Variants in ITGAL observed in about 807,000 individuals in gnomAD.
ITGAL encodes integrin alpha-L.
ITGAL carries 68 observed loss-of-function variants against 138.4 expected under a neutral mutation model. The observed-to-expected ratio is 0.49, with a 90% confidence interval of 0.40 to 0.60. ITGAL has a LOEUF of 0.60. Among genes scored for constraint, ITGAL ranks in the 20% least tolerant of loss-of-function variants. The pLI is 0.00. For missense variants in ITGAL, 1,256 were observed against 1,478.6 expected, an observed-to-expected ratio of 0.85 and a Z score of 2.47; for synonymous variants, 561 against 584.3, an observed-to-expected ratio of 0.96 and a Z score of 0.57.
chr16:30,483,229 C>T (rs1347116091), intron 7 of ITGAL: 5 of 152,314 alleles, frequency 3.3e-5, no homozygotes, highest in African/African-American at 9.7e-5. Context: ...GCACAACCGC[C>T]TCCTTTGTGC....
At chr16:30,511,182 C>T in intron 24 of ITGAL, 46 bp downstream of exon 24, 2 of 1,468,910 alleles carry the variant, frequency 1.4e-6, no homozygotes, top group Non-Finnish European at 9.5e-7. Context: ...CCCACCGCAG[C>T]CTCCCAACCC....
At chr16:30,508,209 A>ATTTT (rs71149036) in intron 21 of ITGAL, among the ~76,000 whole-genome samples, 1 of 95,094 alleles carries the variant, frequency 1.1e-5, no homozygotes, top group Non-Finnish European at 2.1e-5. Flanking sequence ...CGCCCGGCCT[A>ATTTT]TTTTTTTTTT....
Position 30,494,145 on chromosome 16 carries a change from C to A in ITGAL, c.1214-67C>A, listed in dbSNP as rs778614664. ...AACCCAATTCCCTGGGGCCCCTGCCCCTCTCCTGCTGGGTGTTCTTCCAGC... is the reference window on the plus strand; with the variant it reads ...AACCCAATTCCCTGGGGCCCCTGCCACTCTCCTGCTGGGTGTTCTTCCAGC... On this transcript the variant is annotated intron_variant, in intron 11 of 30. Coordinates refer to ENST00000356798, the MANE Select transcript of ITGAL (RefSeq NM_002209.3). The surrounding 1 kb of genome is among the most constrained non-coding windows in gnomAD (Gnocchi z 4.2). 1.4e-5 allele frequency: 20 copies of A among 1,443,192 alleles called. No homozygotes were observed. The highest frequency in any genetic ancestry group is 2.8e-5 in the African/African-American group (2 of 71,264). 89.4% of individuals were successfully genotyped at this position (1,443,192 alleles called of 1,614,324 possible). A position where few individuals can be genotyped will look rare whatever the true frequency, so the allele number is the denominator to read the frequency against.
rs78118710 is a variant in ITGAL at position 30,486,618 on chromosome 16, G to A, written c.1006+2355G>A. On this transcript the variant is annotated intron_variant, in intron 9 of 30. Transcript: ENST00000356798. ...GGAATGAGGGCAGAGAGAAGCACAG[G>A]TGCAAGCCCAGGGGCGGGGAAAGGG... 4.0e-3 allele frequency among the ~76,000 whole-genome samples: 605 copies of A among 152,248 alleles called. 2 individuals are homozygous for A. Among genetic ancestry groups the A allele is most frequent in the Non-Finnish European group, 6.6e-3 (447 of 68,026 alleles).
At chr16:30,513,297 C>G in intron 24 of ITGAL, among the ~76,000 whole-genome samples, 1 of 152,164 alleles carries the variant, frequency 6.6e-6, no homozygotes, top group Non-Finnish European at 1.5e-5. Flanking sequence ...AGTGAGGAGA[C>G]TGCCTGGACA....
Position 30,472,783 on chromosome 16 carries a change from C to A in ITGAL, c.-55C>A. The A allele has an allele frequency of 6.4e-7, 1 of 1,557,630 alleles. No individual in the cohort carries two copies. Among genetic ancestry groups the A allele is most frequent in the South Asian group, 1.1e-5 (1 of 87,862 alleles). On this transcript the variant is annotated 5_prime_UTR_variant, in exon 1 of 31. Coordinates refer to ENST00000356798, the MANE Select transcript of ITGAL (RefSeq NM_002209.3). ...ACCCTGTCTAGGTTGCCAGCAAATCCCACGGGCCTCCTGACGCTGCCCCTG... is the reference window on the plus strand; with the variant it reads ...ACCCTGTCTAGGTTGCCAGCAAATCACACGGGCCTCCTGACGCTGCCCCTG...
chr16:30,491,203 C>T (rs111570141), intron 11 of ITGAL, among the ~76,000 whole-genome samples: 154 of 151,820 alleles, frequency 1.0e-3, no homozygotes, highest in African/African-American at 3.4e-3. Flanking sequence ...GAGTTCGAGA[C>T]CAGCTTGGCC....
At chr16:30,473,157 C>A (rs2050417998) in intron 1 of ITGAL, among the ~76,000 whole-genome samples, 1 of 152,206 alleles carries the variant, frequency 6.6e-6, no homozygotes, top group African/African-American at 2.4e-5. Context: ...TAGGGCCAGG[C>A]GCGGTGGCTC....
intron 6 of ITGAL, chr16:30,480,447 G>A (rs1476251933): frequency 2.6e-5 from 4 of 151,960 alleles, no homozygotes; most frequent in South Asian, 2.1e-4. Flanking sequence ...TCTGGCTGGC[G>A]TAGCTTCAGT....
At chr16:30,472,945 A>G in intron 1 of ITGAL, 47 bp downstream of exon 1, 1 of 1,558,382 alleles carries the variant, frequency 6.4e-7, no homozygotes, top group East Asian at 2.2e-5. Flanking sequence ...CTGTGACCAG[A>G]GAAACTGCAG....
At chr16:30,501,777 T>C (rs1031629117) in intron 17 of ITGAL, among the ~76,000 whole-genome samples, 2 of 152,018 alleles carry the variant, frequency 1.3e-5, no homozygotes, top group Non-Finnish European at 2.9e-5. Flanking sequence ...CGGTGGCTCA[T>C]GCCAGCACTT....
intron 21 of ITGAL, among the ~76,000 whole-genome samples, chr16:30,507,613 G>A (rs1208985788): frequency 6.6e-6 from 1 of 151,648 alleles, no homozygotes; most frequent in East Asian, 1.9e-4. Context: ...TTGTGCCACT[G>A]CACTCCAGCC....
chr16:30,518,589 C>T (rs768423601), intron 28 of ITGAL, 35 bp from the exon 29 acceptor site: 1 of 1,469,354 alleles, frequency 6.8e-7, no homozygotes, highest in South Asian at 1.1e-5. Flanking sequence ...TGTCCTCGTT[C>T]TCCCGGGTTC....
intron 25 of ITGAL, among the ~76,000 whole-genome samples, chr16:30,514,968 G>A (rs1382070345): frequency 6.6e-6 from 1 of 151,638 alleles, no homozygotes; most frequent in Non-Finnish European, 1.5e-5. Context: ...GAGATTACAG[G>A]CGCCCACCAC....
chr16:30,478,878 G>A (rs764302037), intron 4 of ITGAL, among the ~76,000 whole-genome samples: 14 of 152,040 alleles, frequency 9.2e-5, no homozygotes, highest in Non-Finnish European at 1.8e-4. Flanking sequence ...CAGTCCTACA[G>A]GCGGTGAGCA....
rs148879928 is a variant in ITGAL at position 30,492,531 on chromosome 16, C to T, written c.1214-1681C>T. On this transcript the variant is annotated intron_variant, in intron 11 of 30. Coordinates refer to ENST00000356798, the MANE Select transcript of ITGAL (RefSeq NM_002209.3). Reference sequence around the variant, plus strand: ...GCTCCCAGAGTGCTGGGATTACAGGCGTGTGCCACCGCTCCCGGCCAACAT... The same window carrying T: ...GCTCCCAGAGTGCTGGGATTACAGGTGTGTGCCACCGCTCCCGGCCAACAT... Among the ~76,000 whole-genome samples, 95 of 151,460 alleles carry T rather than the reference C, an allele frequency of 6.3e-4. 1 individual carries two copies. The East Asian group carries it at 0.017, about 27-fold the overall frequency.
At chr16:30,516,673 G>T (rs142059597) in intron 25 of ITGAL, among the ~76,000 whole-genome samples, 1 of 152,190 alleles carries the variant, frequency 6.6e-6, no homozygotes, top group Non-Finnish European at 1.5e-5. Context: ...GAGCCCAGGA[G>T]GGGGAGCTGC....
chr16:30,483,121 A>G (rs1365843089), intron 7 of ITGAL: 1 of 151,892 alleles, frequency 6.6e-6, no homozygotes, highest in Non-Finnish European at 1.5e-5. Flanking sequence ...TATTTTTTTA[A>G]TTTTTTTGAG....
In ITGAL at chr16:30,505,306, A is replaced by AG; in HGVS notation, c.2292+10dup. The AG allele has an allele frequency of 6.2e-7, 1 of 1,613,152 alleles. No homozygotes were observed. Among genetic ancestry groups the AG allele is most frequent in the Non-Finnish European group, 8.5e-7 (1 of 1,179,496 alleles). ...TGCACTCGGAAACCTGGGAGGTAAG[A>AG]GGGGAGAAGGGGCAGGCAGAGAGGC... On this transcript the variant is annotated splice_region_variant and intron_variant, in intron 19 of 30. Coordinates refer to ENST00000356798, the MANE Select transcript of ITGAL (RefSeq NM_002209.3).
Sources: allele counts gnomAD v4.1 joint callset (sites outside exome capture counted in the v4.1 genomes callset), GRCh38; gene constraint gnomAD v4.1.1; non-coding constraint Gnocchi (gnomAD v3.1); transcripts MANE v1.5; gene names NCBI Gene and HGNC (gene_info 2026-07-23, HGNC 2026-07-21).